FNIP1: variants seen among roughly 807,000 people sequenced by gnomAD.
The protein encoded by FNIP1 is folliculin-interacting protein 1.
A neutral mutation model predicts 124.5 loss-of-function variants in FNIP1; 40 were observed. The ratio of observed to expected loss-of-function variants is 0.32; its 90% CI spans 0.25 to 0.42. The LOEUF (loss-of-function observed/expected upper bound fraction) is 0.42, where lower values mean the gene tolerates loss of function less well. FNIP1 is among the 10% of genes least tolerant of loss of function. FNIP1 has a pLI of 1.00. For synonymous variants in FNIP1, 472 were observed against 470.6 expected (o/e 1.00, Z -0.04); for missense variants, 1,176 against 1,403.7 (o/e 0.84, Z 2.59).
chr5:131,659,535 C>G (rs187969204), intron 15 of FNIP1, among the ~76,000 whole-genome samples: 2 of 152,158 alleles, frequency 1.3e-5, no homozygotes, highest in African/African-American at 2.4e-5. Flanking sequence ...TAGCTGTGCT[C>G]GGTGAGGATC....
rs540553601 is a variant in FNIP1, at chr5:131,671,117, C to T, written c.2939+388G>A. Among the ~76,000 whole-genome samples, 3 of 152,292 alleles carry T rather than the reference C, an allele frequency of 2.0e-5. No homozygotes were observed. The East Asian group carries it at 5.8e-4, about 29-fold the overall frequency. ...CCTTGCATACTTGACCCAAAGTATA[C>T]ATTCTCTGTTTTCCTCTTAGTCTTG... On this transcript the variant is annotated intron_variant, in intron 14 of 17. Transcript: ENST00000510461.
chr5:131,698,868 C>T (rs765013239), intron 11 of FNIP1, 49 bp downstream of exon 11: 1 of 1,457,324 alleles, frequency 6.9e-7, no homozygotes, highest in Non-Finnish European at 9.3e-7. Context: ...ATGAATCTTC[C>T]TGTGTACACT....
intron 1 of FNIP1, among the ~76,000 whole-genome samples, chr5:131,777,298 T>C (rs1771842897): frequency 6.6e-6 from 1 of 152,110 alleles, no homozygotes; most frequent in African/African-American, 2.4e-5. Context: ...TATCTCTGTT[T>C]TGTACTCTGA....
At chr5:131,770,024 A>G (rs552844737) in intron 1 of FNIP1, among the ~76,000 whole-genome samples, 1 of 152,346 alleles carries the variant, frequency 6.6e-6, no homozygotes, top group South Asian at 2.1e-4. Context: ...GGTCTTCAAC[A>G]ATCCGTATCT....
At chr5:131,778,633 A>G (rs1240230225) in intron 1 of FNIP1, among the ~76,000 whole-genome samples, 4 of 117,174 alleles carry the variant, frequency 3.4e-5, no homozygotes, top group African/African-American at 1.4e-4. Context: ...TGACCCAGCC[A>G]TCCCATTACT....
intron 1 of FNIP1, among the ~76,000 whole-genome samples, chr5:131,754,012 C>T (rs1236536720): frequency 3.9e-5 from 6 of 152,196 alleles, no homozygotes; most frequent in Non-Finnish European, 1.5e-5. Context: ...CAGGGTTTCA[C>T]CATGTTGGCC....
At chr5:131,720,789 C>A (rs1769630425) in intron 3 of FNIP1, among the ~76,000 whole-genome samples, 1 of 152,080 alleles carries the variant, frequency 6.6e-6, no homozygotes, top group African/African-American at 2.4e-5. Flanking sequence ...AAATCAAAAC[C>A]ACAAAACCTG....
chr5:131,672,753 A>G lies in FNIP1; in HGVS notation c.1691T>C (p.Met564Thr). ...LENGEDEAIV[M>T]PGTVITTTLE... Reference sequence around the variant, plus strand: ...AGTGGTAGTAATTACTGTGCCTGGCATAACGATGGCTTCATCTTCTCCATT... The same window carrying G: ...AGTGGTAGTAATTACTGTGCCTGGCGTAACGATGGCTTCATCTTCTCCATT... Residue 564 changes from methionine (M) to threonine (T), a missense_variant, in exon 14 of 18, where the codon ATG (methionine) becomes ACG (threonine). Around this residue, in one of 2 missense-constraint regions of FNIP1, gnomAD observed 1,109 missense variants for 1,288.5 expected, o/e 0.86. Coordinates refer to ENST00000510461, the MANE Select transcript of FNIP1 (RefSeq NM_133372.3). The G allele has an allele frequency of 2.5e-6, 4 of 1,613,756 alleles. No homozygotes were observed. Among genetic ancestry groups the G allele is most frequent in the African/African-American group, 1.3e-5 (1 of 75,004 alleles).
chr5:131,752,657 C>CAA (rs757380469), intron 1 of FNIP1, among the ~76,000 whole-genome samples: 4 of 151,986 alleles, frequency 2.6e-5, no homozygotes, highest in Non-Finnish European at 4.4e-5. Context: ...ATAAACAATC[C>CAA]AATTTTAAAA....
At chr5:131,652,257 G>A (rs1302413803) in intron 15 of FNIP1, among the ~76,000 whole-genome samples, 1 of 152,182 alleles carries the variant, frequency 6.6e-6, no homozygotes, top group Non-Finnish European at 1.5e-5. Flanking sequence ...ACTTTCAACA[G>A]TCTTTTGATC....
chr5:131,776,477 A>C (rs1303480847), intron 1 of FNIP1, among the ~76,000 whole-genome samples: 1 of 152,370 alleles, frequency 6.6e-6, no homozygotes, highest in East Asian at 1.9e-4. Flanking sequence ...AATTGGAAAT[A>C]ACCCTTTGAC....
intron 11 of FNIP1, among the ~76,000 whole-genome samples, chr5:131,685,344 C>T (rs1459133183): frequency 1.3e-5 from 2 of 151,294 alleles, no homozygotes; most frequent in African/African-American, 2.4e-5. Flanking sequence ...ATTTAAACCA[C>T]AAAAAATAAA....
intron 15 of FNIP1, among the ~76,000 whole-genome samples, chr5:131,668,443 T>C (rs1316367477): frequency 6.6e-6 from 1 of 152,226 alleles, no homozygotes; most frequent in East Asian, 1.9e-4. Flanking sequence ...CCCAGCACTT[T>C]GGGAGGCTGA....
rs138671454 is a variant in FNIP1 at position 131,644,282 on chromosome 5, A to T, written c.*403T>A. The T allele has an allele frequency of 2.6e-3, 400 of 154,214 alleles. No individual in the cohort carries two copies. The highest frequency in any genetic ancestry group is 8.9e-3 in the African/African-American group (369 of 41,606). 9.6% of individuals were successfully genotyped at this position (154,214 alleles called of 1,614,324 possible). A position where few individuals can be genotyped will look rare whatever the true frequency, so the allele number is the denominator to read the frequency against. On this transcript the variant is annotated 3_prime_UTR_variant, in exon 18 of 18. Coordinates refer to ENST00000510461, the MANE Select transcript of FNIP1 (RefSeq NM_133372.3). ...GTTTTATAGATCTCTGTACCTTAGA[A>T]ATTAAAAATTAAAAACTAATGAATA...
chr5:131,773,136 T>C (rs1313302210), intron 1 of FNIP1, among the ~76,000 whole-genome samples: 1 of 152,184 alleles, frequency 6.6e-6, no homozygotes, highest in African/African-American at 2.4e-5. Context: ...AATTCCAATG[T>C]ATACTAAATT....
chr5:131,678,554 C>CCCG (rs1382345508), intron 12 of FNIP1, among the ~76,000 whole-genome samples: 1 of 152,092 alleles, frequency 6.6e-6, no homozygotes, highest in East Asian at 1.9e-4. Context: ...ACTACAGGCA[C>CCCG]CCGCCACCAT....
At position 131,671,804 on chromosome 5, in the gene FNIP1, C is replaced by T; in HGVS notation, c.2640G>A (p.Gln880=). ...SKILCTKNNK[Q]NNEFCKCIET... ...CTATACATTTACAAAATTCATTGTT[C>T]TGCTTGTTATTTTTTGTACACAATA... The change falls in exon 14 of 18, where the codon CAG becomes CAA. Residue 880 remains glutamine, a synonymous_variant. Coordinates refer to ENST00000510461, the MANE Select transcript of FNIP1 (RefSeq NM_133372.3). 1 of 1,613,980 alleles carries T rather than the reference C, an allele frequency of 6.2e-7. No individual in the cohort carries two copies.
At chr5:131,706,656 T>A in intron 8 of FNIP1, 110 bp from the exon 9 acceptor site, 2 of 1,149,624 alleles carry the variant, frequency 1.7e-6, no homozygotes, top group Non-Finnish European at 2.3e-6. Flanking sequence ...TTTTGCTTCA[T>A]GAGCCTCAAA....
intron 2 of FNIP1, 60 bp downstream of exon 2, chr5:131,744,504 A>G (rs1770608269): frequency 1.3e-6 from 2 of 1,522,062 alleles, no homozygotes; most frequent in East Asian, 4.9e-5. Flanking sequence ...CAGTTTGATA[A>G]TACTGGAATT....
Sources: allele counts gnomAD v4.1 joint callset (sites outside exome capture counted in the v4.1 genomes callset), GRCh38; gene constraint gnomAD v4.1.1; regional missense constraint gnomAD v4.1.1; transcripts MANE v1.5; gene names NCBI Gene and HGNC (gene_info 2026-07-23, HGNC 2026-07-21).